PICALM: variants seen among roughly 807,000 people sequenced by gnomAD.
The protein encoded by PICALM is phosphatidylinositol-binding clathrin assembly protein.
PICALM carries 40 observed loss-of-function variants against 80.5 expected under a neutral mutation model. That is an observed-to-expected ratio of 0.50 (90% CI 0.39 to 0.65). The LOEUF (loss-of-function observed/expected upper bound fraction) is 0.65. PICALM is among the 30% of genes least tolerant of loss of function. PICALM has a pLI of 0.00. For synonymous variants in PICALM, 288 were observed against 260.3 expected (o/e 1.11, Z -1.02); for missense variants, 676 against 778.9 (o/e 0.87, Z 1.57).
chr11:86,067,459 A>C (rs895463210), intron 1 of PICALM, among the ~76,000 whole-genome samples: 64 of 152,220 alleles, frequency 4.2e-4, no homozygotes, highest in African/African-American at 1.5e-3. Flanking sequence ...AAAAGAGCGC[A>C]AAGAAAAAGG....
intron 17 of PICALM, among the ~76,000 whole-genome samples, chr11:85,977,722 G>GT (rs1357509372): frequency 6.6e-6 from 1 of 152,234 alleles, no homozygotes; most frequent in Non-Finnish European, 1.5e-5. Flanking sequence ...GCAGAAGCCT[G>GT]TAAGATTTCA....
chr11:86,061,572 G>A (rs759451025), intron 1 of PICALM, among the ~76,000 whole-genome samples: 1 of 152,030 alleles, frequency 6.6e-6, no homozygotes. Context: ...ACACCTATTA[G>A]AATGGCCAAA....
chr11:85,994,442 T>C (rs1035319139), intron 12 of PICALM, among the ~76,000 whole-genome samples: 1 of 152,212 alleles, frequency 6.6e-6, no homozygotes, highest in African/African-American at 2.4e-5. Context: ...ATCTTATCAC[T>C]AATCTATGAC....
intron 12 of PICALM, among the ~76,000 whole-genome samples, chr11:85,993,026 T>C (rs1244248256): frequency 5.9e-5 from 9 of 151,452 alleles, no homozygotes; most frequent in African/African-American, 2.2e-4. Flanking sequence ...TAAGGTATAA[T>C]AATAACGCTC....
intron 1 of PICALM, among the ~76,000 whole-genome samples, chr11:86,040,399 C>T (rs966478290): frequency 5.9e-5 from 9 of 151,986 alleles, no homozygotes; most frequent in Admixed American, 3.9e-4. Flanking sequence ...GAGGTCTCCC[C>T]CTCTGTTGCC....
intron 19 of PICALM, among the ~76,000 whole-genome samples, chr11:85,968,947 A>AACACACACACAC (rs57641869): frequency 6.9e-5 from 10 of 144,016 alleles, no homozygotes; most frequent in East Asian, 4.1e-4. Flanking sequence ...AAAATGACTC[A>AACACACACACAC]ACACACACAC....
intron 1 of PICALM, among the ~76,000 whole-genome samples, chr11:86,060,224 C>T (rs1174255692): frequency 2.0e-5 from 3 of 152,104 alleles, no homozygotes; most frequent in African/African-American, 4.8e-5. Flanking sequence ...TTTTTTTAGT[C>T]TCAGAACCTT....
chr11:86,031,857 A>T (rs1418176277), intron 1 of PICALM, among the ~76,000 whole-genome samples: 1 of 152,212 alleles, frequency 6.6e-6, no homozygotes, highest in Non-Finnish European at 1.5e-5. Context: ...CCCTCAGGGT[A>T]TAATTCTCTC....
At chr11:86,019,643 A>C (rs557422008) in intron 4 of PICALM, among the ~76,000 whole-genome samples, 2 of 152,234 alleles carry the variant, frequency 1.3e-5, no homozygotes, top group African/African-American at 2.4e-5. Flanking sequence ...TCTCCACCAT[A>C]ATCTTCTACA....
rs201818433 is a variant in PICALM, at chr11:85,963,442, C to CA, written c.1945-4383dup. ...CTCTATCCCAAAATTCCCACAGAGC[C>CA]AAAAAAAATTGGTATAGCTATCAGT... is the stretch of plus-strand genomic sequence containing the variant. On this transcript the variant is annotated intron_variant, in intron 19 of 19. Transcript: ENST00000393346. Among the ~76,000 whole-genome samples, 204 of 151,732 alleles carry CA rather than the reference C, an allele frequency of 1.3e-3. No homozygotes were observed. In the Middle Eastern group the frequency reaches 0.014, roughly 10 times the overall value.
intron 9 of PICALM, among the ~76,000 whole-genome samples, chr11:86,002,832 G>A (rs944039800): frequency 4.6e-5 from 7 of 152,084 alleles, no homozygotes; most frequent in African/African-American, 7.2e-5. Context: ...GCTCAACATG[G>A]TGAAACCCTG....
At chr11:85,996,058 A>G (rs1443448813) in intron 12 of PICALM, among the ~76,000 whole-genome samples, 2 of 152,164 alleles carry the variant, frequency 1.3e-5, no homozygotes, top group Non-Finnish European at 2.9e-5. Flanking sequence ...TTGTCGGAAC[A>G]AAATATTTTA....
intron 1 of PICALM, among the ~76,000 whole-genome samples, chr11:86,066,034 G>A (rs1442655982): frequency 6.6e-6 from 1 of 152,128 alleles, no homozygotes; most frequent in African/African-American, 2.4e-5. Context: ...GCATTAAAAG[G>A]TGCACATAAA....
intron 18 of PICALM, among the ~76,000 whole-genome samples, chr11:85,975,649 T>C (rs1173477917): frequency 7.8e-6 from 1 of 128,244 alleles, no homozygotes; most frequent in East Asian, 2.4e-4. Flanking sequence ...CAGACTGGAG[T>C]GCAGTGGCAT....
At chr11:86,064,488 C>A (rs1457666779) in intron 1 of PICALM, among the ~76,000 whole-genome samples, 1 of 151,608 alleles carries the variant, frequency 6.6e-6, no homozygotes, top group Non-Finnish European at 1.5e-5. Flanking sequence ...CACAAGGAGA[C>A]CCTGTCTGTA....
At chr11:86,044,336 C>T (rs780755742) in intron 1 of PICALM, among the ~76,000 whole-genome samples, 26 of 152,176 alleles carry the variant, frequency 1.7e-4, no homozygotes, top group African/African-American at 6.3e-4. Context: ...TCATGATCAA[C>T]TACCACCTTC....
chr11:85,963,825 C>T (rs1332932062), intron 19 of PICALM, among the ~76,000 whole-genome samples: 3 of 151,242 alleles, frequency 2.0e-5, no homozygotes, highest in Admixed American at 6.6e-5. Context: ...GGCGCAGTCA[C>T]GGGTCACTGC....
chr11:85,967,136 A>G (rs1253274055), intron 19 of PICALM, among the ~76,000 whole-genome samples: 1 of 152,176 alleles, frequency 6.6e-6, no homozygotes, highest in Non-Finnish European at 1.5e-5. Flanking sequence ...ATTAATTTCA[A>G]TTCAGCTAGA....
chr11:85,968,760 A>C (rs1465597952), intron 19 of PICALM, among the ~76,000 whole-genome samples: 1 of 152,184 alleles, frequency 6.6e-6, no homozygotes, highest in African/African-American at 2.4e-5. Flanking sequence ...GAGGAAGCAC[A>C]GAAGAGAAAC....
Sources: gnomAD v4.1 joint callset for allele counts (sites outside exome capture counted in the v4.1 genomes callset) on GRCh38, gnomAD v4.1.1 for gene constraint, MANE v1.5 for transcripts, NCBI Gene and HGNC (gene_info 2026-07-23, HGNC 2026-07-21) for gene names.